Variants in LRP1B observed in about 807,000 individuals in gnomAD.
LRP1B encodes the protein low-density lipoprotein receptor-related protein 1B.
A neutral mutation model predicts 556.6 loss-of-function variants in LRP1B; 217 were observed. The ratio of observed to expected loss-of-function variants is 0.39; its 90% CI spans 0.35 to 0.44. LRP1B has a LOEUF of 0.44. Ranked by LOEUF, LRP1B falls within the 20% of genes least tolerant of loss-of-function variation. LRP1B has a pLI of 1.00. For synonymous variants in LRP1B, 2,047 were observed against 1,865.8 expected (o/e 1.10, Z -2.50); for missense variants, 5,053 against 5,620.8 (o/e 0.90, Z 3.23).
At chr2:140,350,069 T>G (rs1306820499) in intron 77 of LRP1B, among the ~76,000 whole-genome samples, 1 of 152,068 alleles carries the variant, frequency 6.6e-6, no homozygotes, top group Admixed American at 6.6e-5. Flanking sequence ...CCACTTGACT[T>G]TTTGGTTGTA....
intron 35 of LRP1B, among the ~76,000 whole-genome samples, chr2:140,739,924 C>T (rs1013930451): frequency 3.3e-5 from 5 of 152,104 alleles, no homozygotes; most frequent in Non-Finnish European, 7.3e-5. Flanking sequence ...ATGAAAAATG[C>T]TCAACATCAC....
At chr2:140,517,147 G>A in intron 49 of LRP1B, 136 bp from the exon 50 acceptor site, 2 of 639,224 alleles carry the variant, frequency 3.1e-6, no homozygotes, top group Non-Finnish European at 5.4e-6. Context: ...TTCTCCTAAA[G>A]AATGTCAAGG....
At chr2:141,259,946 C>T (rs1053126184) in intron 3 of LRP1B, among the ~76,000 whole-genome samples, 47 of 152,182 alleles carry the variant, frequency 3.1e-4, no homozygotes, top group African/African-American at 1.0e-3. Flanking sequence ...TTTAGTATAA[C>T]AGAATTTCTA....
At chr2:141,650,291 G>T (rs1158859885) in intron 2 of LRP1B, among the ~76,000 whole-genome samples, 1 of 152,186 alleles carries the variant, frequency 6.6e-6, no homozygotes, top group Non-Finnish European at 1.5e-5. Context: ...GTGGGGAATT[G>T]ATATGATTTA....
chr2:140,242,768 C>T (rs1187133102), intron 87 of LRP1B, among the ~76,000 whole-genome samples: 1 of 151,020 alleles, frequency 6.6e-6, no homozygotes, highest in Non-Finnish European at 1.5e-5. Flanking sequence ...TAAGGAAAAA[C>T]AGTTGGGCTG....
At chr2:140,591,311 A>G (rs1021842472) in intron 43 of LRP1B, among the ~76,000 whole-genome samples, 2 of 152,200 alleles carry the variant, frequency 1.3e-5, no homozygotes, top group African/African-American at 2.4e-5. Flanking sequence ...ATACAGTTCT[A>G]TCTATTCAAT....
chr2:142,008,518 CT>C (rs1206192277), intron 1 of LRP1B, among the ~76,000 whole-genome samples: 1,665 of 138,694 alleles, frequency 0.012, 19 homozygotes, highest in African/African-American at 0.027. Context: ...GACATGGTGA[CT>C]TTTTTTTTTT....
At chr2:141,645,092 C>A (rs1406729732) in intron 2 of LRP1B, among the ~76,000 whole-genome samples, 1 of 151,978 alleles carries the variant, frequency 6.6e-6, no homozygotes, top group Non-Finnish European at 1.5e-5. Context: ...TAAATAAACA[C>A]TATGGATTTA....
At chr2:141,059,317 G>C (rs1475249848) in intron 8 of LRP1B, among the ~76,000 whole-genome samples, 1 of 151,688 alleles carries the variant, frequency 6.6e-6, no homozygotes, top group Non-Finnish European at 1.5e-5. Flanking sequence ...AGCATATTTA[G>C]TAGTTATTTT....
At chr2:141,043,322 T>C (rs1361348392) in intron 11 of LRP1B, among the ~76,000 whole-genome samples, 3 of 151,910 alleles carry the variant, frequency 2.0e-5, no homozygotes, top group African/African-American at 7.2e-5. Flanking sequence ...AATCTTATGT[T>C]TGCATTGTTT....
intron 35 of LRP1B, among the ~76,000 whole-genome samples, chr2:140,717,918 C>T (rs1333722061): frequency 6.6e-6 from 1 of 152,040 alleles, no homozygotes; most frequent in Non-Finnish European, 1.5e-5. Context: ...CAATTGTTTG[C>T]AGCAGAGCAG....
intron 31 of LRP1B, among the ~76,000 whole-genome samples, chr2:140,817,983 G>T (rs1480987661): frequency 6.6e-6 from 1 of 152,170 alleles, no homozygotes; most frequent in Non-Finnish European, 1.5e-5. Context: ...GGTTTGGGCT[G>T]GTCCTGGGCC....
chr2:141,620,300 A>G (rs1688456122), intron 2 of LRP1B, among the ~76,000 whole-genome samples: 1 of 152,238 alleles, frequency 6.6e-6, no homozygotes, highest in African/African-American at 2.4e-5. Context: ...TGTGAAGAAG[A>G]TTAGCAGATA....
At chr2:141,998,278 A>G (rs1702555388) in intron 1 of LRP1B, among the ~76,000 whole-genome samples, 1 of 152,168 alleles carries the variant, frequency 6.6e-6, no homozygotes, top group Non-Finnish European at 1.5e-5. Flanking sequence ...TAACACACCC[A>G]GATTCTCTCT....
chr2:142,071,518 G>C (rs931934898), intron 1 of LRP1B, among the ~76,000 whole-genome samples: 2 of 151,886 alleles, frequency 1.3e-5, no homozygotes, highest in African/African-American at 4.8e-5. Context: ...ATAATATATA[G>C]TAATATGTGG....
chr2:140,795,506 T>TA (rs1278542594), intron 32 of LRP1B, among the ~76,000 whole-genome samples: 6 of 152,170 alleles, frequency 3.9e-5, no homozygotes, highest in African/African-American at 1.4e-4. Context: ...ATTAAATTGA[T>TA]ACAGATGTCT....
chr2:140,815,348 C>A (rs545999968), intron 31 of LRP1B, among the ~76,000 whole-genome samples: 2 of 152,136 alleles, frequency 1.3e-5, no homozygotes, highest in South Asian at 2.1e-4. Flanking sequence ...CACTCTGTTG[C>A]CCGGCTAGAA....
At chr2:140,378,353 A>G (rs1246191150) in intron 67 of LRP1B, 67 bp from the exon 68 acceptor site, 10 of 813,938 alleles carry the variant, frequency 1.2e-5, no homozygotes, top group Non-Finnish European at 2.1e-5. Context: ...TTTATATGAC[A>G]TATGACATGA....
intron 1 of LRP1B, among the ~76,000 whole-genome samples, chr2:142,065,939 C>T (rs371386448): frequency 4.6e-5 from 7 of 151,424 alleles, no homozygotes; most frequent in East Asian, 2.0e-4. Context: ...AATTTCTCTC[C>T]ATCTGTGGGT....
Sources: gnomAD v4.1 joint callset for allele counts (sites outside exome capture counted in the v4.1 genomes callset) on GRCh38, gnomAD v4.1.1 for gene constraint, MANE v1.5 for transcripts, NCBI Gene and HGNC (gene_info 2026-07-23, HGNC 2026-07-21) for gene names.